The following MAPKBP1 variants were observed in gnomAD, a reference collection of about 807,000 sequenced individuals.
MAPKBP1 encodes mitogen-activated protein kinase-binding protein 1.
Under a neutral mutation model 170.5 loss-of-function variants are expected in MAPKBP1, and 71 were observed. The observed-to-expected ratio is 0.42, with a 90% CI of 0.34 to 0.51. MAPKBP1 has a LOEUF of 0.51. Among genes scored for constraint, MAPKBP1 ranks in the 20% least tolerant of loss-of-function variants. The probability of loss-of-function intolerance (pLI) is 0.06; values close to 1 mark genes in which losing one functional copy is unlikely to be tolerated. For missense variants in MAPKBP1, 1,598 were observed against 1,933.0 expected, an observed-to-expected ratio of 0.83 and a Z score of 3.25; for synonymous variants, 719 against 757.9, an observed-to-expected ratio of 0.95 and a Z score of 0.84.
In MAPKBP1 at chr15:41,807,756, G is replaced by C. The variant is rs558083097; in HGVS notation, c.207-3127G>C. Among the ~76,000 whole-genome samples, 39 of 152,204 alleles carry C rather than the reference G, an allele frequency of 2.6e-4. No homozygotes were observed. In the South Asian group the frequency reaches 5.4e-3, roughly 21 times the overall value. ...TATTAAAACCTAAATATCTAAATTTGGCTGGGCACAGTGGCTCACGCCTGT... is the reference window on the plus strand; with the variant it reads ...TATTAAAACCTAAATATCTAAATTTCGCTGGGCACAGTGGCTCACGCCTGT... On this transcript the variant is annotated intron_variant, in intron 3 of 30. Transcript: ENST00000457542.
rs2064907625 is a variant in MAPKBP1 at position 41,817,259 on chromosome 15, G to A, written c.1712-129G>A. On this transcript the variant is annotated intron_variant, in intron 14 of 30. Transcript: ENST00000457542. The surrounding 1 kb of genome is among the most constrained non-coding windows in gnomAD (Gnocchi z 4.2). ...GAGACAGGAAAACCTGGGTTTCCAG[G>A]TTTAATTTAGTTGGTTTTCCCTGGC... The A allele has an allele frequency of 1.6e-5, 20 of 1,238,856 alleles. No homozygotes were observed. Among genetic ancestry groups the A allele is most frequent in the Non-Finnish European group, 2.2e-5 (19 of 864,190 alleles). The allele number at this position is 1,238,856 out of a possible 1,614,324, so 76.7% of individuals were successfully genotyped here.
rs1181181345 is a variant in MAPKBP1 at position 41,822,353 on chromosome 15, C to A, written c.3160C>A (p.Pro1054Thr). The A allele has an allele frequency of 6.2e-7, 1 of 1,614,042 alleles. No individual in the cohort carries two copies. The highest frequency in any genetic ancestry group is 1.7e-5 in the Admixed American group (1 of 60,022). ...CCCCTATGGGCTACAGGAGGGCAGC[C>A]CCCAGACTCCAGACCAGGAGCAGTT... ...MGPYGLQEGSPQTPDQEQFLK... is the reference protein window; with the variant it reads ...MGPYGLQEGSTQTPDQEQFLK... Residue 1054 changes from proline to threonine, a missense_variant, in exon 26 of 31, where the codon CCC becomes ACC. Pro to Thr is a conservative substitution (Grantham distance 38). This residue lies in a region of MAPKBP1 where 942 missense variants were observed against 953.2 expected (regional missense o/e 0.99). Coordinates refer to ENST00000457542, the MANE Select transcript of MAPKBP1 (RefSeq NM_014994.3).
At chr15:41,822,145 G>A (rs1395735065) in intron 25 of MAPKBP1, 35 bp downstream of exon 25, 2 of 1,591,042 alleles carry the variant, frequency 1.3e-6, no homozygotes, top group East Asian at 2.3e-5. Flanking sequence ...GGCCATGGGG[G>A]GTGGGGCCTG....
intron 2 of MAPKBP1, among the ~76,000 whole-genome samples, chr15:41,794,749 A>G (rs759771370): frequency 1.1e-4 from 17 of 152,226 alleles, no homozygotes; most frequent in Non-Finnish European, 2.4e-4. Flanking sequence ...CATGGGGGAC[A>G]GCAACCTAGG....
Position 41,817,718 on chromosome 15 carries a change from C to T in MAPKBP1, c.1887C>T (p.Cys629=), listed in dbSNP as rs531481471. 1.4e-5 allele frequency: 23 copies of T among 1,613,840 alleles called. No individual in the cohort carries two copies. The South Asian group carries it at 2.1e-4, about 15-fold the overall frequency. ...GCTGGAAGTACACGGCTATCGGCTG[C>T]CAGGACCGAAATATTCGGTGGGCGT... The part of the protein sequence containing the change: ...EPSWKYTAIG[C]QDRNIRIFNI... The change falls in exon 16 of 31, where the codon TGC becomes TGT. Residue 629 remains cysteine, a synonymous_variant. Transcript: ENST00000457542. The surrounding 1 kb of genome is among the most constrained non-coding windows in gnomAD (Gnocchi z 4.2).
At position 41,812,965 on chromosome 15, in the gene MAPKBP1, A is replaced by T. The variant is rs2064828231; in HGVS notation, c.683A>T (p.Glu228Val). The change falls in exon 8 of 31, where the codon GAG becomes GTG. Residue 228 changes from glutamate (E) to valine (V), a missense_variant. Coordinates refer to ENST00000457542, the MANE Select transcript of MAPKBP1 (RefSeq NM_014994.3). Reference sequence around the variant, plus strand: ...CTGGGCCGCTCAGGGCTGCTGGGAGAGCTACGGAACAACCTATTCACTGAT... The same window carrying T: ...CTGGGCCGCTCAGGGCTGCTGGGAGTGCTACGGAACAACCTATTCACTGAT... ...PLLGRSGLLGELRNNLFTDVA... is the reference protein window; with the variant it reads ...PLLGRSGLLGVLRNNLFTDVA... 1 of 1,612,942 alleles carries T rather than the reference A, an allele frequency of 6.2e-7. No individual in the cohort carries two copies. Among genetic ancestry groups the T allele is most frequent in the East Asian group, 2.2e-5 (1 of 44,874 alleles).
At chr15:41,819,046 A>G in intron 20 of MAPKBP1, 89 bp downstream of exon 20, 1 of 1,568,270 alleles carries the variant, frequency 6.4e-7, no homozygotes, top group Non-Finnish European at 8.7e-7. Context: ...TGGGCCTGCC[A>G]TTCAGCAACT....
At chr15:41,798,893 C>T (rs2064543635) in intron 2 of MAPKBP1, among the ~76,000 whole-genome samples, 1 of 152,198 alleles carries the variant, frequency 6.6e-6, no homozygotes, top group African/African-American at 2.4e-5. Flanking sequence ...AGAGCCAGTG[C>T]AGGGAGTGCA....
intron 6 of MAPKBP1, 75 bp downstream of exon 6, chr15:41,812,202 C>G (rs541098409): frequency 7.8e-5 from 122 of 1,557,868 alleles, no homozygotes; most frequent in Non-Finnish European, 1.0e-4. Context: ...AGACTGCTGA[C>G]CTGCACTGCT....
At position 41,775,263 on chromosome 15, in the gene MAPKBP1, G is replaced by T; in HGVS notation, c.-13G>T. The T allele has an allele frequency of 1.2e-6, 2 of 1,609,508 alleles. No homozygotes were observed. Among genetic ancestry groups the T allele is most frequent in the South Asian group, 2.2e-5 (2 of 90,980 alleles). ...ACTGGGCCGGGGACTGTCCCAAAGG[G>T]TTTCTCGTCATAATGGCTGTGGAAG... On this transcript the variant is annotated 5_prime_UTR_variant, in exon 2 of 31. Transcript: ENST00000457542.
chr15:41,792,220 G>A (rs1284567051), intron 2 of MAPKBP1, among the ~76,000 whole-genome samples: 5 of 151,536 alleles, frequency 3.3e-5, no homozygotes, highest in East Asian at 3.9e-4. Flanking sequence ...TCTCTCCTGG[G>A]AATAGGCTAG....
intron 2 of MAPKBP1, among the ~76,000 whole-genome samples, chr15:41,777,772 G>A (rs1481024178): frequency 6.6e-6 from 1 of 152,208 alleles, no homozygotes. Flanking sequence ...ACATGTGGTG[G>A]CTGTGAGTAA....
rs778324323 is a variant in MAPKBP1, at chr15:41,813,289, G to C, written c.819+188G>C. 30 of 1,527,978 alleles carry C rather than the reference G, an allele frequency of 2.0e-5. No homozygotes were observed. In the East Asian group the frequency reaches 6.5e-4, roughly 33 times the overall value. 94.7% of individuals were successfully genotyped at this position (1,527,978 alleles called of 1,614,324 possible). A position where few individuals can be genotyped will look rare whatever the true frequency, so the allele number is the denominator to read the frequency against. Reference sequence around the variant, plus strand: ...TGATCTGTATAACTGCCTCCTCTCTGCTCTTTCTGTCTCTTTCCCCTGCTT... The same window carrying C: ...TGATCTGTATAACTGCCTCCTCTCTCCTCTTTCTGTCTCTTTCCCCTGCTT... On this transcript the variant is annotated intron_variant, in intron 8 of 30. Coordinates refer to ENST00000457542, the MANE Select transcript of MAPKBP1 (RefSeq NM_014994.3).
intron 3 of MAPKBP1, among the ~76,000 whole-genome samples, chr15:41,801,418 C>T (rs2064591707): frequency 6.6e-6 from 1 of 152,170 alleles, no homozygotes. Context: ...ATGAGTAGCG[C>T]TACTGCTGTA....
intron 2 of MAPKBP1, among the ~76,000 whole-genome samples, chr15:41,786,388 C>CAAAT (rs1194217823): frequency 6.6e-6 from 1 of 152,026 alleles, no homozygotes; most frequent in Non-Finnish European, 1.5e-5. Flanking sequence ...ATGTGTATTT[C>CAAAT]ATATGTAAAT....
chr15:41,824,003 G>A lies in MAPKBP1; in HGVS notation c.4155G>A (p.Glu1385=), dbSNP rs199859801. ...GPENLQPPPP[E]KTPNPMECTK... is the part of the protein sequence containing the mutation. Reference sequence around the variant, plus strand: ...AAAACTTGCAGCCCCCACCCCCTGAGAAGACTCCCAACCCCATGGAATGCA... The same window carrying A: ...AAAACTTGCAGCCCCCACCCCCTGAAAAGACTCCCAACCCCATGGAATGCA... Residue 1385 remains glutamate (E), a synonymous_variant, in exon 29 of 31, where the codon GAG becomes GAA. Transcript: ENST00000457542. 2.0e-5 allele frequency: 32 copies of A among 1,612,734 alleles called. No individual in the cohort carries two copies. In the East Asian group the frequency reaches 6.5e-4, roughly 33 times the overall value.
In MAPKBP1 at chr15:41,826,609, T is replaced by C. The variant is rs2065101664; in HGVS notation, c.*1173T>C. On this transcript the variant is annotated 3_prime_UTR_variant, in exon 31 of 31. Coordinates refer to ENST00000457542, the MANE Select transcript of MAPKBP1 (RefSeq NM_014994.3). The stretch of plus-strand genomic sequence containing the variant: ...TGTCCACAGCCTAGCTGATACGAGA[T>C]AGCCCATAGGACACCTGGTTTAGGT... 1 of 150,930 alleles carries C rather than the reference T, an allele frequency of 6.6e-6. No homozygotes were observed. Among genetic ancestry groups the C allele is most frequent in the Non-Finnish European group, 1.5e-5 (1 of 67,752 alleles). The allele number at this position is 150,930 out of a possible 1,614,324, so 9.3% of individuals were successfully genotyped here. A position where few individuals can be genotyped will look rare whatever the true frequency, so the allele number is the denominator to read the frequency against.
At chr15:41,787,105 G>A (rs1250173597) in intron 2 of MAPKBP1, among the ~76,000 whole-genome samples, 4 of 151,394 alleles carry the variant, frequency 2.6e-5, no homozygotes, top group African/African-American at 9.7e-5. Flanking sequence ...TTTTCCTGTT[G>A]GGATTACAGG....
Position 41,801,060 on chromosome 15 carries a change from A to G in MAPKBP1, c.206+1146A>G, listed in dbSNP as rs556349060. ...AGCATAATGTTTTCAGGGTTAATCT[A>G]TGTCACAGCATGTATCGCTACCTTA... On this transcript the variant is annotated intron_variant, in intron 3 of 30. Coordinates refer to ENST00000457542, the MANE Select transcript of MAPKBP1 (RefSeq NM_014994.3). Among the ~76,000 whole-genome samples, 23 of 152,340 alleles carry G rather than the reference A, an allele frequency of 1.5e-4. 1 individual carries two copies. In the South Asian group the frequency reaches 3.3e-3, roughly 22 times the overall value.
Sources: allele counts gnomAD v4.1 joint callset (sites outside exome capture counted in the v4.1 genomes callset), GRCh38; gene constraint gnomAD v4.1.1; regional missense constraint gnomAD v4.1.1; non-coding constraint Gnocchi (gnomAD v3.1); transcripts MANE v1.5; gene names NCBI Gene and HGNC (gene_info 2026-07-23, HGNC 2026-07-21).